The following ABCD3 variants were observed in gnomAD, a reference collection of about 807,000 sequenced individuals.
ABCD3 encodes the protein ATP-binding cassette sub-family D member 3.
In ABCD3, 41 loss-of-function variants were observed where a neutral mutation model predicts 105.5. The ratio of observed to expected loss-of-function variants is 0.39; its 90% CI spans 0.30 to 0.50. The LOEUF is 0.50. Among genes scored for constraint, ABCD3 ranks in the 20% least tolerant of loss-of-function variants. ABCD3 has a pLI of 0.84. For synonymous variants in ABCD3, 258 were observed against 269.0 expected (o/e 0.96, Z 0.40); for missense variants, 622 against 806.3 (o/e 0.77, Z 2.77).
chr1:94,505,633 GA>G, intron 20 of ABCD3, among the ~76,000 whole-genome samples: 1 of 152,210 alleles, frequency 6.6e-6, no homozygotes, highest in Middle Eastern at 3.4e-3. Context: ...CAGAATACAG[GA>G]AAAAGAGGAG....
At chr1:94,446,238 A>G (rs1161227622) in intron 1 of ABCD3, among the ~76,000 whole-genome samples, 1 of 152,050 alleles carries the variant, frequency 6.6e-6, no homozygotes, top group Non-Finnish European at 1.5e-5. Context: ...CCATTCCCTC[A>G]CCCCTGGGCA....
chr1:94,456,703 G>T (rs1220161422), intron 1 of ABCD3, among the ~76,000 whole-genome samples: 1 of 151,824 alleles, frequency 6.6e-6, no homozygotes, highest in East Asian at 1.9e-4. Context: ...AATGCTGCAG[G>T]GAACGTGAGA....
At chr1:94,460,879 C>T (rs1169293366) in intron 2 of ABCD3, among the ~76,000 whole-genome samples, 3 of 152,106 alleles carry the variant, frequency 2.0e-5, no homozygotes, top group Non-Finnish European at 2.9e-5. Flanking sequence ...TCTGAGTAAT[C>T]AAATGTTAGT....
At chr1:94,454,218 T>C (rs535108218) in intron 1 of ABCD3, among the ~76,000 whole-genome samples, 19 of 152,266 alleles carry the variant, frequency 1.2e-4, no homozygotes, top group African/African-American at 3.8e-4. Context: ...ATGGCCTGAA[T>C]TGAAATCATA....
intron 4 of ABCD3, 75 bp downstream of exon 4, chr1:94,468,082 G>A: frequency 4.8e-6 from 5 of 1,040,582 alleles, no homozygotes; most frequent in Non-Finnish European, 6.0e-6. Context: ...ATCTTTATAA[G>A]CAACAAATAG....
At chr1:94,466,174 T>C (rs1005688738) in intron 3 of ABCD3, among the ~76,000 whole-genome samples, 1 of 152,168 alleles carries the variant, frequency 6.6e-6, no homozygotes, top group Non-Finnish European at 1.5e-5. Flanking sequence ...CCTATCAGCC[T>C]CTTACTCGTT....
chr1:94,426,066 T>C (rs1157451625), intron 1 of ABCD3, among the ~76,000 whole-genome samples: 1 of 152,174 alleles, frequency 6.6e-6, no homozygotes, highest in Non-Finnish European at 1.5e-5. Flanking sequence ...TTTCTATGCT[T>C]GCTAAAAGAA....
intron 16 of ABCD3, 86 bp downstream of exon 16, chr1:94,491,333 T>A: frequency 9.7e-7 from 1 of 1,026,488 alleles, no homozygotes; most frequent in East Asian, 2.5e-5. Flanking sequence ...AAAGTAACTT[T>A]AAGGCTCGAC....
the ABCD3 span, among the ~76,000 whole-genome samples, chr1:94,412,688 T>C: frequency 8.5e-5 from 13 of 152,334 alleles, no homozygotes; most frequent in Admixed American, 3.9e-4. Context: ...TTTAAAGCTA[T>C]TGCCCAGTTG....
At chr1:94,503,976 G>A (rs1443451089) in intron 20 of ABCD3, among the ~76,000 whole-genome samples, 1 of 139,484 alleles carries the variant, frequency 7.2e-6, no homozygotes, top group Non-Finnish European at 1.5e-5. Flanking sequence ...ACACTGGCAC[G>A]ATCTCAGCTT....
At chr1:94,398,204 A>G in the ABCD3 span, among the ~76,000 whole-genome samples, 1 of 152,178 alleles carries the variant, frequency 6.6e-6, no homozygotes, top group Non-Finnish European at 1.5e-5. Flanking sequence ...CTATCAATCA[A>G]TCAACATGAG....
chr1:94,436,394 T>A (rs1659902955), intron 1 of ABCD3, among the ~76,000 whole-genome samples: 1 of 152,240 alleles, frequency 6.6e-6, no homozygotes, highest in East Asian at 1.9e-4. Context: ...GTTCTCCAAA[T>A]AATAATACAA....
chr1:94,507,414 A>G (rs1650420736), intron 21 of ABCD3, among the ~76,000 whole-genome samples: 1 of 152,118 alleles, frequency 6.6e-6, no homozygotes, highest in African/African-American at 2.4e-5. Flanking sequence ...GGTTGGTTCC[A>G]AGTCTTTGCT....
intron 1 of ABCD3, among the ~76,000 whole-genome samples, chr1:94,442,272 C>T (rs1472290436): frequency 4.6e-5 from 7 of 152,082 alleles, no homozygotes; most frequent in Non-Finnish European, 1.0e-4. Flanking sequence ...CCCAGAATTC[C>T]GTCTGTAAGA....
intron 1 of ABCD3, among the ~76,000 whole-genome samples, chr1:94,439,403 A>T (rs1660052806): frequency 6.6e-6 from 1 of 151,856 alleles, no homozygotes; most frequent in Non-Finnish European, 1.5e-5. Context: ...GCACTTTGGG[A>T]GGCTGAGGTG....
At chr1:94,483,102 C>CAATTATGATGTATTTCATAATTGAAAA (rs1649104101) in intron 9 of ABCD3, 68 bp from the exon 10 acceptor site, 1 of 1,013,924 alleles carries the variant, frequency 9.9e-7, no homozygotes, top group East Asian at 2.6e-5. Context: ...CCATCATATA[C>CAATTATGATGTATTTCATAATTGAAAA]TGTATTTCAA....
chr1:94,418,413 A>T lies in ABCD3; in HGVS notation c.-66A>T. 7.5e-7 allele frequency: 1 copy of T among 1,334,654 alleles called. No individual in the cohort carries two copies. Among genetic ancestry groups the T allele is most frequent in the Non-Finnish European group, 1.0e-6 (1 of 964,278 alleles). 82.7% of individuals were successfully genotyped at this position (1,334,654 alleles called of 1,614,324 possible). ...TCCCAGTCTCCCCCGCGCTGCGTGC[A>T]GTAAGGTAGCCGCCGCCGCCGCCGC... On this transcript the variant is annotated 5_prime_UTR_variant, in exon 1 of 23. Transcript: ENST00000370214.
chr1:94,415,424 C>A (rs1024064322), upstream of ABCD3, among the ~76,000 whole-genome samples: 1 of 152,124 alleles, frequency 6.6e-6, no homozygotes, highest in Non-Finnish European at 1.5e-5. Flanking sequence ...TTCTGTTTTT[C>A]TTTATTATTT....
At chr1:94,414,531 A>G (rs892758436), upstream of ABCD3, among the ~76,000 whole-genome samples, 16 of 152,086 alleles carry the variant, frequency 1.1e-4, no homozygotes, top group Non-Finnish European at 1.9e-4. Flanking sequence ...TGCCACTAGC[A>G]TGATCTTTCT....
Sources: allele counts gnomAD v4.1 joint callset (sites outside exome capture counted in the v4.1 genomes callset), GRCh38; gene constraint gnomAD v4.1.1; transcripts MANE v1.5; gene names NCBI Gene and HGNC (gene_info 2026-07-23, HGNC 2026-07-21).